The following PDSS2 variants were observed in gnomAD, a reference collection of about 807,000 sequenced individuals.
PDSS2 encodes the protein all trans-polyprenyl-diphosphate synthase PDSS2.
Under a neutral mutation model 44.5 loss-of-function variants are expected in PDSS2, and 31 were observed. The ratio of observed to expected loss-of-function variants is 0.70; its 90% confidence interval spans 0.52 to 0.94. The LOEUF is 0.94. Ranked by LOEUF, PDSS2 falls within the 40% of genes least tolerant of loss-of-function variation. PDSS2 has a pLI of 0.00. For missense variants in PDSS2, 452 were observed against 482.2 expected (o/e 0.94, Z 0.59); for synonymous variants, 157 against 180.3 (o/e 0.87, Z 1.03).
At chr6:107,262,884 G>A (rs1012285023) in intron 3 of PDSS2, among the ~76,000 whole-genome samples, 5 of 151,800 alleles carry the variant, frequency 3.3e-5, no homozygotes, top group African/African-American at 1.2e-4. Flanking sequence ...ACACTGGCCT[G>A]GGCTAGATAG....
chr6:107,265,801 G>A (rs1213699228), intron 3 of PDSS2, among the ~76,000 whole-genome samples: 1 of 152,156 alleles, frequency 6.6e-6, no homozygotes, highest in East Asian at 1.9e-4. Context: ...TTAGCCAGAT[G>A]TGGTGGTGGG....
At chr6:107,446,279 G>A (rs1781676468) in intron 1 of PDSS2, among the ~76,000 whole-genome samples, 1 of 151,566 alleles carries the variant, frequency 6.6e-6, no homozygotes, top group Non-Finnish European at 1.5e-5. Flanking sequence ...TTGCACCACT[G>A]CACTCCAGCC....
intron 1 of PDSS2, among the ~76,000 whole-genome samples, chr6:107,363,587 A>G (rs1396888578): frequency 6.6e-6 from 1 of 152,176 alleles, no homozygotes; most frequent in Non-Finnish European, 1.5e-5. Context: ...AGCAGCGTGG[A>G]CCCAAAGAGT....
chr6:107,383,532 C>T (rs1461014111), intron 1 of PDSS2, among the ~76,000 whole-genome samples: 1 of 151,848 alleles, frequency 6.6e-6, no homozygotes, highest in African/African-American at 2.4e-5. Flanking sequence ...AAACCACCCA[C>T]AGAATGGGAG....
At chr6:107,242,625 G>T (rs186490183) in intron 4 of PDSS2, among the ~76,000 whole-genome samples, 1 of 152,096 alleles carries the variant, frequency 6.6e-6, no homozygotes, top group African/African-American at 2.4e-5. Flanking sequence ...TTATTGTAAC[G>T]TCAAACTCCT....
intron 2 of PDSS2, among the ~76,000 whole-genome samples, chr6:107,326,605 A>T (rs975540390): frequency 2.6e-5 from 4 of 151,948 alleles, no homozygotes; most frequent in South Asian, 2.1e-4. Context: ...TAATCCCAGC[A>T]CTTTGGGAGG....
At chr6:107,401,268 T>TA (rs1425664087) in intron 1 of PDSS2, among the ~76,000 whole-genome samples, 1 of 152,152 alleles carries the variant, frequency 6.6e-6, no homozygotes, top group Non-Finnish European at 1.5e-5. Context: ...ACTGGTACAT[T>TA]ACTACTACAA....
At chr6:107,317,046 C>T (rs935108157) in intron 2 of PDSS2, among the ~76,000 whole-genome samples, 1 of 152,160 alleles carries the variant, frequency 6.6e-6, no homozygotes, top group Non-Finnish European at 1.5e-5. Flanking sequence ...TACTGCTCTA[C>T]GTTCATTTCA....
chr6:107,420,513 G>T (rs1780790620), intron 1 of PDSS2, among the ~76,000 whole-genome samples: 1 of 152,198 alleles, frequency 6.6e-6, no homozygotes, highest in African/African-American at 2.4e-5. Context: ...GAATCCAGAA[G>T]TGGATAAATA....
intron 1 of PDSS2, among the ~76,000 whole-genome samples, chr6:107,426,287 C>A (rs549901630): frequency 6.6e-6 from 1 of 152,332 alleles, no homozygotes; most frequent in African/African-American, 2.4e-5. Context: ...CAAGTTTTGG[C>A]AGCTTCCACA....
At chr6:107,164,838 G>A (rs1771282855) in intron 7 of PDSS2, among the ~76,000 whole-genome samples, 1 of 152,166 alleles carries the variant, frequency 6.6e-6, no homozygotes, top group African/African-American at 2.4e-5. Flanking sequence ...GTTGTTTCCT[G>A]ACTTCTTAAT....
intron 1 of PDSS2, among the ~76,000 whole-genome samples, chr6:107,425,844 C>G (rs1040585680): frequency 2.6e-5 from 4 of 152,056 alleles, no homozygotes; most frequent in African/African-American, 4.8e-5. Flanking sequence ...ACCTGTAGTC[C>G]CAGCTACTCG....
intron 2 of PDSS2, among the ~76,000 whole-genome samples, chr6:107,308,170 A>G (rs894687984): frequency 2.0e-5 from 3 of 152,192 alleles, no homozygotes; most frequent in African/African-American, 7.2e-5. Flanking sequence ...TAATCTATCT[A>G]TATATTTCAT....
intron 7 of PDSS2, 104 bp downstream of exon 7, chr6:107,193,718 A>C (rs1019709559): frequency 1.3e-6 from 1 of 784,928 alleles, no homozygotes; most frequent in Non-Finnish European, 2.3e-6. Context: ...AATGTCCTTC[A>C]GCTCTCAATG....
At chr6:107,270,359 G>A (rs1349677433) in intron 3 of PDSS2, among the ~76,000 whole-genome samples, 1 of 151,802 alleles carries the variant, frequency 6.6e-6, no homozygotes, top group Admixed American at 6.6e-5. Context: ...TGATTCACTC[G>A]CCTCAGCCTC....
At chr6:107,386,901 G>A (rs1044330166) in intron 1 of PDSS2, among the ~76,000 whole-genome samples, 1 of 152,114 alleles carries the variant, frequency 6.6e-6, no homozygotes, top group Admixed American at 6.5e-5. Context: ...AGAAACCACA[G>A]AAGTCCAAAG....
chr6:107,447,051 C>T (rs993665318), intron 1 of PDSS2, among the ~76,000 whole-genome samples: 5 of 151,994 alleles, frequency 3.3e-5, no homozygotes, highest in Non-Finnish European at 7.4e-5. Context: ...AAATCAAAAG[C>T]GGCCGGGCGC....
intron 1 of PDSS2, among the ~76,000 whole-genome samples, chr6:107,441,720 C>A (rs372227744): frequency 6.6e-6 from 1 of 152,264 alleles, no homozygotes; most frequent in African/African-American, 2.4e-5. Context: ...GTGCCCTGCT[C>A]AGAATCCATT....
intron 3 of PDSS2, among the ~76,000 whole-genome samples, chr6:107,246,519 T>A (rs568379186): frequency 6.6e-6 from 1 of 152,318 alleles, no homozygotes; most frequent in African/African-American, 2.4e-5. Context: ...CTTCCGAAAA[T>A]TCAGCTCCAT....
Sources: allele counts gnomAD v4.1 joint callset (sites outside exome capture counted in the v4.1 genomes callset), GRCh38; gene constraint gnomAD v4.1.1; transcripts MANE v1.5; gene names NCBI Gene and HGNC (gene_info 2026-07-23, HGNC 2026-07-21).